The following FAM13B variants were observed in gnomAD, a reference collection of about 807,000 sequenced individuals.
FAM13B encodes protein FAM13B.
In FAM13B, 60 loss-of-function variants were observed where a neutral mutation model predicts 117.3. The ratio of observed to expected loss-of-function variants is 0.51; its 90% CI spans 0.42 to 0.63. FAM13B has a LOEUF of 0.63. Among genes scored for constraint, FAM13B ranks in the 30% least tolerant of loss-of-function variants. The pLI is 0.00. For synonymous variants in FAM13B, 332 were observed against 356.1 expected, an observed-to-expected ratio of 0.93 and a Z score of 0.76; for missense variants, 972 against 1,091.9, an observed-to-expected ratio of 0.89 and a Z score of 1.55.
chr5:138,039,387 A>G (rs1409476692), intron 1 of FAM13B: 1 of 152,012 alleles, frequency 6.6e-6, no homozygotes, highest in Admixed American at 6.6e-5. Context: ...TGCATATCCT[A>G]CCTGTTCCTT....
rs1218811699 is a variant in FAM13B, at chr5:137,970,003, C to T, written c.1180-7534G>A. Among the ~76,000 whole-genome samples, 8 of 152,232 alleles carry T rather than the reference C, an allele frequency of 5.3e-5. No homozygotes were observed. In the East Asian group the frequency reaches 1.2e-3, roughly 22 times the overall value. ...GTCTGATTGGTGTACCTGCAAGTGA[C>T]GGGGAGAATGGAACCAAGTTGGAAA... On this transcript the variant is annotated intron_variant, in intron 10 of 23. Transcript: ENST00000689681.
intron 10 of FAM13B, among the ~76,000 whole-genome samples, chr5:137,981,834 A>G (rs1216794438): frequency 2.6e-5 from 4 of 152,106 alleles, no homozygotes; most frequent in Admixed American, 1.3e-4. Context: ...GAAAAAGGAC[A>G]AAAAGTTCAG....
intron 7 of FAM13B, among the ~76,000 whole-genome samples, chr5:138,000,198 G>A (rs1780864852): frequency 2.6e-5 from 4 of 152,104 alleles, no homozygotes; most frequent in Admixed American, 6.6e-5. Context: ...GGGAGCTTGA[G>A]ACTGGCCTGG....
intron 4 of FAM13B, 32 bp from the exon 5 acceptor site, chr5:138,011,977 T>C: frequency 1.3e-6 from 2 of 1,485,224 alleles, no homozygotes; most frequent in Non-Finnish European, 9.1e-7. Flanking sequence ...TTTTTTTCAA[T>C]AAAGGAAAAA....
chr5:137,964,456 C>G (rs1236574730), intron 10 of FAM13B, among the ~76,000 whole-genome samples: 1 of 151,664 alleles, frequency 6.6e-6, no homozygotes, highest in Non-Finnish European at 1.5e-5. Flanking sequence ...CACAGTGGCT[C>G]ACACCTGTAA....
chr5:138,014,756 A>T (rs1424838032), intron 4 of FAM13B, among the ~76,000 whole-genome samples: 1 of 152,226 alleles, frequency 6.6e-6, no homozygotes, highest in African/African-American at 2.4e-5. Flanking sequence ...CACATTATCC[A>T]AAGTTTTGTT....
At chr5:138,019,428 C>T (rs1436428284) in intron 2 of FAM13B, among the ~76,000 whole-genome samples, 1 of 152,066 alleles carries the variant, frequency 6.6e-6, no homozygotes, top group Non-Finnish European at 1.5e-5. Context: ...CATTAATGTC[C>T]CAAAGACAAA....
intron 7 of FAM13B, among the ~76,000 whole-genome samples, chr5:137,992,704 G>T (rs1035881555): frequency 2.0e-5 from 3 of 152,176 alleles, no homozygotes; most frequent in African/African-American, 7.2e-5. Context: ...AAGTGACAAT[G>T]AAATACTGTT....
intron 7 of FAM13B, among the ~76,000 whole-genome samples, chr5:138,005,902 C>CTT (rs869171895): frequency 2.8e-5 from 4 of 143,874 alleles, no homozygotes; most frequent in Non-Finnish European, 3.1e-5. Flanking sequence ...ATTTCCTCTT[C>CTT]TTTTTTTTTT....
At chr5:137,944,246 A>C (rs1223160139) in intron 20 of FAM13B, among the ~76,000 whole-genome samples, 1 of 152,096 alleles carries the variant, frequency 6.6e-6, no homozygotes, top group Non-Finnish European at 1.5e-5. Flanking sequence ...GGGTTACCAC[A>C]TCTTATTTAC....
At chr5:137,990,828 A>G (rs925400672) in intron 7 of FAM13B, among the ~76,000 whole-genome samples, 2 of 152,118 alleles carry the variant, frequency 1.3e-5, no homozygotes, top group East Asian at 1.9e-4. Context: ...TAAAATTTAT[A>G]TATATTTCTG....
intron 15 of FAM13B, 83 bp downstream of exon 15, chr5:137,954,083 G>T: frequency 6.7e-6 from 4 of 593,308 alleles, no homozygotes; most frequent in Non-Finnish European, 7.8e-6. Context: ...CACTATTGAA[G>T]CCCAGGCTGG....
In FAM13B at chr5:137,941,999, T is replaced by C. The variant is rs754895357; in HGVS notation, c.2635A>G (p.Lys879Glu). 6.2e-7 allele frequency: 1 copy of C among 1,614,158 alleles called. No individual in the cohort carries two copies. The change falls in exon 23 of 24, where the codon AAA (lysine) becomes GAA (glutamate). Residue 879 changes from lysine (K) to glutamate (E), a missense_variant. Transcript: ENST00000689681. ...QLWKARAEKK[K>E]LRKTLREFEE... ...AATTCCCGCAACGTTTTGCGTAGTT[T>C]CTTTTTTTCAGCTCTGGCTTTCCAA...
At chr5:137,950,219 G>A (rs1186907359) in intron 17 of FAM13B, among the ~76,000 whole-genome samples, 1 of 152,192 alleles carries the variant, frequency 6.6e-6, no homozygotes, top group African/African-American at 2.4e-5. Context: ...GCTAAAAGGA[G>A]TATAATTTGT....
At chr5:137,955,960 A>C in intron 14 of FAM13B, among the ~76,000 whole-genome samples, 1 of 152,138 alleles carries the variant, frequency 6.6e-6, no homozygotes, top group South Asian at 2.1e-4. Context: ...ACACTTAAAA[A>C]TTTTGATGCT....
At position 138,025,288 on chromosome 5, in the gene FAM13B, C is replaced by CAT. The variant is rs67314207; in HGVS notation, c.-202-4093_-202-4092dup. On this transcript the variant is annotated intron_variant, in intron 1 of 23. Coordinates refer to ENST00000689681, the MANE Select transcript of FAM13B (RefSeq NM_001385994.1). ...AGATAACAGTGATTACAAACAAAGC[C>CAT]ATATATATATATATATATATATGTA... 5.2e-3 allele frequency among the ~76,000 whole-genome samples: 483 copies of CAT among 92,620 alleles called. 3 individuals are homozygous for CAT. The highest frequency in any genetic ancestry group is 0.023 in the African/African-American group (464 of 19,810). 60.8% of individuals were successfully genotyped at this position (92,620 alleles called of 152,430 possible). A position where few individuals can be genotyped will look rare whatever the true frequency, so the allele number is the denominator to read the frequency against.
At chr5:137,952,819 A>C in intron 16 of FAM13B, 110 bp from the exon 17 acceptor site, 5 of 634,334 alleles carry the variant, frequency 7.9e-6, no homozygotes, top group Non-Finnish European at 1.3e-5. Flanking sequence ...CTCAATTCTC[A>C]TTTCATCTTA....
intron 1 of FAM13B, among the ~76,000 whole-genome samples, chr5:138,030,184 T>C (rs1789522267): frequency 6.6e-6 from 1 of 152,186 alleles, no homozygotes; most frequent in Non-Finnish European, 1.5e-5. Context: ...CTCAAACTAA[T>C]GGTCTCATTT....
chr5:138,031,202 ATT>A (rs2151080730), intron 1 of FAM13B, among the ~76,000 whole-genome samples: 2 of 152,116 alleles, frequency 1.3e-5, no homozygotes, highest in East Asian at 3.8e-4. Flanking sequence ...CATTTCAGCC[ATT>A]TTCTCTCCTA....
Sources: allele counts gnomAD v4.1 joint callset (sites outside exome capture counted in the v4.1 genomes callset), GRCh38; gene constraint gnomAD v4.1.1; transcripts MANE v1.5; gene names NCBI Gene and HGNC (gene_info 2026-07-23, HGNC 2026-07-21).